The following KIZ variants were observed in gnomAD, a reference collection of about 807,000 sequenced individuals.
KIZ encodes the protein centrosomal protein kizuna.
In KIZ, 68 loss-of-function variants were observed where a neutral mutation model predicts 79.6. The ratio of observed to expected loss-of-function variants is 0.85; its 90% CI spans 0.70 to 1.05. KIZ has a LOEUF of 1.05. Ranked by LOEUF, KIZ falls within the 50% of genes least tolerant of loss-of-function variation. The pLI is 0.00. For missense variants in KIZ, 797 were observed against 800.4 expected (o/e 1.00, Z 0.05); for synonymous variants, 280 against 281.8 (o/e 0.99, Z 0.06).
chr20:21,154,399 T>TTCCTGATTTTTA (rs1199519238), intron 4 of KIZ, among the ~76,000 whole-genome samples: 2 of 152,232 alleles, frequency 1.3e-5, no homozygotes, highest in African/African-American at 4.8e-5. Context: ...TAAAGATGAA[T>TTCCTGATTTTTA]TCCTGATTTT....
At chr20:21,154,565 T>C (rs775608146) in intron 4 of KIZ, among the ~76,000 whole-genome samples, 14 of 152,218 alleles carry the variant, frequency 9.2e-5, no homozygotes, top group Non-Finnish European at 1.6e-4. Flanking sequence ...TATAGATTTA[T>C]CTCTAGCACT....
At position 21,236,065 on chromosome 20, in the gene KIZ, G is replaced by A. The variant is rs144092072; in HGVS notation, c.1880+3235G>A. On this transcript the variant is annotated intron_variant, in intron 11 of 12. Coordinates refer to ENST00000619189, the MANE Select transcript of KIZ (RefSeq NM_018474.6). ...ATTCTTAAATTCCACTGAATTAGCAGCTTCCTAAATATGTCACGTTTCTTA... is the reference window on the plus strand; with the variant it reads ...ATTCTTAAATTCCACTGAATTAGCAACTTCCTAAATATGTCACGTTTCTTA... Among the ~76,000 whole-genome samples the A allele has an allele frequency of 1.4e-4, 21 of 152,318 alleles. No homozygotes were observed. The East Asian group carries it at 3.9e-3, about 28-fold the overall frequency.
At chr20:21,148,100 G>A (rs2032941554) in intron 4 of KIZ, among the ~76,000 whole-genome samples, 1 of 151,954 alleles carries the variant, frequency 6.6e-6, no homozygotes, top group Non-Finnish European at 1.5e-5. Context: ...CTGGGGAGGA[G>A]TACGTGGAAC....
At chr20:21,170,972 A>G (rs2034180599) in intron 6 of KIZ, among the ~76,000 whole-genome samples, 1 of 152,224 alleles carries the variant, frequency 6.6e-6, no homozygotes, top group South Asian at 2.1e-4. Context: ...TTCTATGGCT[A>G]AATAGGTAAG....
At position 21,188,531 on chromosome 20, in the gene KIZ, G is replaced by A. The variant is rs576511085; in HGVS notation, c.1353-16960G>A. 7.9e-5 allele frequency among the ~76,000 whole-genome samples: 12 copies of A among 151,560 alleles called. No individual in the cohort carries two copies. In the East Asian group the frequency reaches 2.3e-3, roughly 29 times the overall value. ...TTAACCTGTTTGTTATAAGGGTGTT[G>A]ACTGTGACCCTTATGATGAGGAGGA... is the stretch of plus-strand genomic sequence containing the variant. On this transcript the variant is annotated intron_variant, in intron 6 of 12. Transcript: ENST00000619189.
chr20:21,199,136 G>T (rs2035482362), intron 6 of KIZ, among the ~76,000 whole-genome samples: 1 of 152,098 alleles, frequency 6.6e-6, no homozygotes. Context: ...TCTTAATCTA[G>T]GCTGCCCAAC....
chr20:21,148,770 T>G (rs1017984871), intron 4 of KIZ: 3 of 152,222 alleles, frequency 2.0e-5, no homozygotes, highest in Admixed American at 6.5e-5. Context: ...TGAACTATTA[T>G]GCTGTGAAAT....
intron 6 of KIZ, among the ~76,000 whole-genome samples, chr20:21,192,259 A>G (rs1600497879): frequency 7.2e-6 from 1 of 139,126 alleles, no homozygotes; most frequent in Non-Finnish European, 1.6e-5. Context: ...AAATGATACC[A>G]TTTTGTTGTT....
intron 4 of KIZ, among the ~76,000 whole-genome samples, chr20:21,156,944 T>C (rs2033414615): frequency 1.3e-5 from 2 of 152,168 alleles, no homozygotes; most frequent in African/African-American, 4.8e-5. Flanking sequence ...ATTTTTGCAA[T>C]GTTTCTGTAA....
chr20:21,130,312 C>T (rs138136642), intron 1 of KIZ, among the ~76,000 whole-genome samples: 1 of 152,168 alleles, frequency 6.6e-6, no homozygotes, highest in Non-Finnish European at 1.5e-5. Context: ...AGACTGCAGT[C>T]GTGCTTTCTT....
chr20:21,236,914 C>T (rs527874331), intron 11 of KIZ, among the ~76,000 whole-genome samples: 15 of 150,914 alleles, frequency 9.9e-5, no homozygotes, highest in Non-Finnish European at 2.1e-4. Flanking sequence ...GCAGGAGAAT[C>T]GCATAAACCT....
chr20:21,173,665 C>G (rs1295250643), intron 6 of KIZ, among the ~76,000 whole-genome samples: 6 of 150,608 alleles, frequency 4.0e-5, no homozygotes, highest in Admixed American at 4.0e-4. Context: ...AAGGATGACT[C>G]AAGGGTTTGG....
rs989956290 is a variant in KIZ, at chr20:21,162,044, A to G, written c.579A>G (p.Ser193=). Residue 193 remains serine, a synonymous_variant, in exon 5 of 13, where the codon TCA becomes TCG. Transcript: ENST00000619189. ...ACTTTTCAATTCCTGACCCACATTCACACCGACAGACAGCCCAGAGCAGTA... is the reference window on the plus strand; with the variant it reads ...ACTTTTCAATTCCTGACCCACATTCGCACCGACAGACAGCCCAGAGCAGTA... ...TKNFSIPDPH[S]HRQTAQSSNV... 6.2e-7 allele frequency: 1 copy of G among 1,613,936 alleles called. No individual in the cohort carries two copies. Among genetic ancestry groups the G allele is most frequent in the Non-Finnish European group, 8.5e-7 (1 of 1,179,850 alleles).
In KIZ at chr20:21,232,636, G is replaced by A. The variant is rs140744892; in HGVS notation, c.1784-98G>A. ...TTGAACAGCATCTTCCTCTGTTGGC[G>A]TTTGTTTCACCAAACTTACTGTGAG... On this transcript the variant is annotated intron_variant, in intron 10 of 12. Coordinates refer to ENST00000619189, the MANE Select transcript of KIZ (RefSeq NM_018474.6). 2,596 of 678,554 alleles carry A rather than the reference G, an allele frequency of 3.8e-3. 10 individuals carry two copies. The highest frequency in any genetic ancestry group is 8.1e-3 in the East Asian group (295 of 36,278). The allele number at this position is 678,554 out of a possible 1,614,324, so 42.0% of individuals were successfully genotyped here. A position where few individuals can be genotyped will look rare whatever the true frequency, so the allele number is the denominator to read the frequency against.
intron 9 of KIZ, among the ~76,000 whole-genome samples, chr20:21,216,291 T>G (rs2036290599): frequency 6.6e-6 from 1 of 152,234 alleles, no homozygotes; most frequent in Non-Finnish European, 1.5e-5. Context: ...CCTTATTTTG[T>G]GAAGTGGTGT....
chr20:21,183,774 G>T (rs1244338188), intron 6 of KIZ, among the ~76,000 whole-genome samples: 1 of 152,016 alleles, frequency 6.6e-6, no homozygotes, highest in African/African-American at 2.4e-5. Context: ...ATATGTCAAT[G>T]CAGCCCAGTG....
At chr20:21,142,790 C>CAAATAGAT (rs1555873846) in intron 3 of KIZ, among the ~76,000 whole-genome samples, 1 of 147,840 alleles carries the variant, frequency 6.8e-6, no homozygotes, top group African/African-American at 2.5e-5. Flanking sequence ...GCCCTTGTCT[C>CAAATAGAT]AAATAAATAA....
At chr20:21,160,029 A>T (rs1222549815) in intron 4 of KIZ, among the ~76,000 whole-genome samples, 1 of 152,196 alleles carries the variant, frequency 6.6e-6, no homozygotes. Flanking sequence ...TGCCTGTTGT[A>T]GTGAATTCTT....
chr20:21,150,482 G>A (rs1424908290), intron 4 of KIZ, among the ~76,000 whole-genome samples: 1 of 152,196 alleles, frequency 6.6e-6, no homozygotes, highest in Non-Finnish European at 1.5e-5. Flanking sequence ...GGGGAACGTG[G>A]CCCTCGGTTC....
Sources: allele counts gnomAD v4.1 joint callset (sites outside exome capture counted in the v4.1 genomes callset), GRCh38; gene constraint gnomAD v4.1.1; transcripts MANE v1.5; gene names NCBI Gene and HGNC (gene_info 2026-07-23, HGNC 2026-07-21).